Variants in ACBD6 observed in about 807,000 individuals in gnomAD.
The protein encoded by ACBD6 is acyl-CoA binding domain containing 6, also known as acyl-CoA-binding domain-containing protein 6.
Under a neutral mutation model 37.2 loss-of-function variants are expected in ACBD6, and 28 were observed. That is an observed-to-expected ratio of 0.75 (90% CI 0.56 to 1.03). ACBD6 has a LOEUF of 1.03. ACBD6 is among the 50% of genes least tolerant of loss of function. The pLI, the probability that ACBD6 is intolerant of heterozygous loss-of-function variation, is 0.00. For missense variants in ACBD6, 340 were observed against 337.4 expected (o/e 1.01, Z -0.06); for synonymous variants, 113 against 126.8 (o/e 0.89, Z 0.73).
chr1:180,271,809 G>A (rs749414602), exon 14 of ACBD6: 3 of 1,613,722 alleles, frequency 1.9e-6, no homozygotes, highest in Admixed American at 1.7e-5. Context: ...CGCCCCCTGA[G>A]TATGTCCCTT....
At chr1:180,495,377 T>A in intron 2 of ACBD6, 84 bp downstream of exon 2, 1 of 981,716 alleles carries the variant, frequency 1.0e-6, no homozygotes. Context: ...TAAAAATAAT[T>A]CTTTAATCAG....
At chr1:180,418,044 A>G (rs1283900617) in intron 4 of ACBD6, among the ~76,000 whole-genome samples, 1 of 12,684 alleles carries the variant, frequency 7.9e-5, no homozygotes, top group Non-Finnish European at 1.3e-4. Context: ...CTCAAAGTCT[A>G]ATGTTCTTTT....
chr1:180,499,847 C>A (rs79424814), intron 1 of ACBD6, among the ~76,000 whole-genome samples: 1 of 152,102 alleles, frequency 6.6e-6, no homozygotes, highest in Non-Finnish European at 1.5e-5. Flanking sequence ...ATAATTTATA[C>A]CATTTGTTCC....
intron 7 of ACBD6, among the ~76,000 whole-genome samples, chr1:180,301,915 C>G (rs772178225): frequency 2.6e-5 from 4 of 152,074 alleles, no homozygotes; most frequent in Admixed American, 6.6e-5. Context: ...GTTAATTTTA[C>G]GCAGTTATGA....
intron 6 of ACBD6, among the ~76,000 whole-genome samples, chr1:180,360,289 A>C (rs1056949746): frequency 1.3e-5 from 2 of 152,230 alleles, no homozygotes; most frequent in South Asian, 2.1e-4. Context: ...CATCCACTCA[A>C]GACTGTATTG....
intron 6 of ACBD6, among the ~76,000 whole-genome samples, chr1:180,336,054 A>T (rs1432409036): frequency 1.3e-5 from 2 of 151,516 alleles, no homozygotes; most frequent in African/African-American, 4.8e-5. Context: ...CTCCCACACA[A>T]TAATAATGGG....
Position 180,502,128 on chromosome 1 carries a change from CA to C in ACBD6, c.138del (p.Phe46LeufsTer11). ...CCTTGCAGGTGCGCGGCAGCCTTCT[CA>C]AACAGCTCGGCCAGGCAACTGGTCT... ...IEETSCLAEL[F>X]EKAAAHLQGL... On this transcript the variant is annotated frameshift_variant, in exon 1 of 8. Transcript: ENST00000367595. LOFTEE classifies it high-confidence loss of function. 1 of 1,614,024 alleles carries C rather than the reference CA, an allele frequency of 6.2e-7. No individual in the cohort carries two copies.
At chr1:180,387,513 C>T (rs1653891400) in intron 6 of ACBD6, among the ~76,000 whole-genome samples, 1 of 152,220 alleles carries the variant, frequency 6.6e-6, no homozygotes, top group Non-Finnish European at 1.5e-5. Flanking sequence ...CATTTGGCCT[C>T]TTCTGGCACC....
intron 3 of ACBD6, among the ~76,000 whole-genome samples, chr1:180,442,224 C>T (rs944084973): frequency 6.6e-6 from 1 of 151,646 alleles, no homozygotes; most frequent in African/African-American, 2.4e-5. Context: ...CATTACATTT[C>T]TTCCGCATGG....
At chr1:180,322,983 T>C (rs1379026201) in intron 6 of ACBD6, among the ~76,000 whole-genome samples, 1 of 151,924 alleles carries the variant, frequency 6.6e-6, no homozygotes. Context: ...TTTTCTTCTT[T>C]TTTGATGCAG....
intron 6 of ACBD6, among the ~76,000 whole-genome samples, chr1:180,352,819 A>G (rs1191795635): frequency 6.6e-6 from 1 of 152,214 alleles, no homozygotes; most frequent in Non-Finnish European, 1.5e-5. Context: ...AGGCTCAGAT[A>G]CCTTTATTTT....
At chr1:180,497,195 A>G (rs1197773054) in intron 1 of ACBD6, among the ~76,000 whole-genome samples, 1 of 152,234 alleles carries the variant, frequency 6.6e-6, no homozygotes, top group African/African-American at 2.4e-5. Context: ...GACACTATCC[A>G]GTGGCAGAAA....
At position 180,444,201 on chromosome 1, in the gene ACBD6, TAATG is replaced by T. The variant is rs144521753; in HGVS notation, c.385-13943_385-13940del. 9.9e-3 allele frequency among the ~76,000 whole-genome samples: 1,495 copies of T among 150,782 alleles called. 33 individuals carry two copies. Among genetic ancestry groups the T allele is most frequent in the African/African-American group, 0.034 (1,385 of 40,930 alleles). On this transcript the variant is annotated intron_variant, in intron 3 of 7. Transcript: ENST00000367595. ...TCATTTTTTCACTCATAAACAGACA[TAATG>T]AATATTTTTAAAAATAAGAAATAAA...
At chr1:180,443,432 G>A (rs1649359019) in intron 3 of ACBD6, among the ~76,000 whole-genome samples, 5 of 152,058 alleles carry the variant, frequency 3.3e-5, no homozygotes, top group Admixed American at 2.0e-4. Flanking sequence ...TTCAGCCAAA[G>A]GGACCCCTCT....
At chr1:180,295,408 C>A (rs1328569250) in intron 7 of ACBD6, among the ~76,000 whole-genome samples, 1 of 151,892 alleles carries the variant, frequency 6.6e-6, no homozygotes, top group African/African-American at 2.4e-5. Flanking sequence ...CCCAAGCATC[C>A]CACAAGTTTT....
chr1:180,274,598 C>T, intron 10 of ACBD6: 1 of 1,543,330 alleles, frequency 6.5e-7, no homozygotes, highest in South Asian at 1.2e-5. Context: ...CCTCCCCACC[C>T]TACCTGCCCC....
intron 4 of ACBD6, 132 bp from the exon 5 acceptor site, chr1:180,413,603 AAC>A (rs1219539970): frequency 1.5e-6 from 1 of 676,356 alleles, no homozygotes; most frequent in Non-Finnish European, 2.5e-6. Flanking sequence ...CATGAACAGT[AAC>A]AGTTTTTCAG....
At chr1:180,314,586 G>A in intron 7 of ACBD6, 106 bp downstream of exon 7, 1 of 919,450 alleles carries the variant, frequency 1.1e-6, no homozygotes, top group Non-Finnish European at 1.7e-6. Flanking sequence ...ATCTCTGCTA[G>A]CTGCCAGGTA....
At chr1:180,420,173 AGTGTG>A (rs1648296210) in intron 4 of ACBD6, among the ~76,000 whole-genome samples, 2 of 152,118 alleles carry the variant, frequency 1.3e-5, no homozygotes, top group African/African-American at 2.4e-5. Flanking sequence ...TAATTCCTCT[AGTGTG>A]GTGTCTATTA....
Sources: allele counts gnomAD v4.1 joint callset (sites outside exome capture counted in the v4.1 genomes callset), GRCh38; gene constraint gnomAD v4.1.1; transcripts MANE v1.5; gene names NCBI Gene and HGNC (gene_info 2026-07-23, HGNC 2026-07-21).